The following CNTN5 variants were observed in gnomAD, a reference collection of about 807,000 sequenced individuals.
The protein encoded by CNTN5 is contactin 5, also known as contactin-5.
Under a neutral mutation model 129.1 loss-of-function variants are expected in CNTN5, and 77 were observed. That is an observed-to-expected ratio of 0.60 (90% confidence interval 0.50 to 0.72). The LOEUF (loss-of-function observed/expected upper bound fraction) is 0.72, where lower values mean the gene tolerates loss of function less well. Ranked by LOEUF, CNTN5 falls within the 30% of genes least tolerant of loss-of-function variation. CNTN5 has a pLI of 0.00. For missense variants in CNTN5, 1,478 were observed against 1,328.8 expected, an observed-to-expected ratio of 1.11 and a Z score of -1.75; for synonymous variants, 509 against 465.6, an observed-to-expected ratio of 1.09 and a Z score of -1.20.
intron 3 of CNTN5, among the ~76,000 whole-genome samples, chr11:99,687,877 T>G (rs1565427633): frequency 6.6e-6 from 1 of 152,198 alleles, no homozygotes; most frequent in African/African-American, 2.4e-5. Flanking sequence ...GGAATCAAAT[T>G]ATATTCCCAG....
intron 2 of CNTN5, among the ~76,000 whole-genome samples, chr11:99,513,189 T>C (rs76770163): frequency 0.066 from 10,014 of 152,230 alleles, 363 homozygotes; most frequent in African/African-American, 0.098. Flanking sequence ...CAAAGCCTAA[T>C]ACAGAGAAAA....
At chr11:99,244,996 A>G (rs1478031598) in intron 1 of CNTN5, among the ~76,000 whole-genome samples, 1 of 152,342 alleles carries the variant, frequency 6.6e-6, no homozygotes, top group East Asian at 1.9e-4. Flanking sequence ...TGAAACGTTC[A>G]TTGAAGTTCT....
chr11:99,800,042 T>A lies in CNTN5; in HGVS notation c.56-19502T>A, dbSNP rs566737659. Among the ~76,000 whole-genome samples, 6 of 152,176 alleles carry A rather than the reference T, an allele frequency of 3.9e-5. No homozygotes were observed. The East Asian group carries it at 7.7e-4, about 20-fold the overall frequency. ...TTCTAGTTCTTGTTATTCTAGTTCC[T>A]CTATCTGGTATGTTACATTGTTTCT... On this transcript the variant is annotated intron_variant, in intron 3 of 24. Transcript: ENST00000524871.
chr11:99,954,614 A>G (rs1950754332), intron 7 of CNTN5, among the ~76,000 whole-genome samples: 1 of 152,190 alleles, frequency 6.6e-6, no homozygotes, highest in Non-Finnish European at 1.5e-5. Context: ...AAAAATAATT[A>G]TAGATTTATA....
At position 99,687,265 on chromosome 11, in the gene CNTN5, A is replaced by G. The variant is rs75489110; in HGVS notation, c.55+130996A>G. On this transcript the variant is annotated intron_variant, in intron 3 of 24. Coordinates refer to ENST00000524871, the MANE Select transcript of CNTN5 (RefSeq NM_014361.4). ...TGCACCCAAGAACCCCTCAACCCAC[A>G]GAGACGCTTAATATTATATTAACAA... 2.6e-5 allele frequency among the ~76,000 whole-genome samples: 4 copies of G among 152,152 alleles called. No homozygotes were observed. In the East Asian group the frequency reaches 7.7e-4, roughly 29 times the overall value.
intron 13 of CNTN5, among the ~76,000 whole-genome samples, chr11:100,085,113 G>A (rs1329549004): frequency 1.3e-5 from 2 of 151,942 alleles, no homozygotes; most frequent in Non-Finnish European, 2.9e-5. Context: ...GAATGAATAG[G>A]CCCAAAGAGC....
At chr11:99,328,238 A>T (rs1383053286) in intron 2 of CNTN5, among the ~76,000 whole-genome samples, 3 of 152,202 alleles carry the variant, frequency 2.0e-5, no homozygotes, top group Non-Finnish European at 4.4e-5. Flanking sequence ...GCCAGAATTG[A>T]CAAAATAATG....
intron 8 of CNTN5, among the ~76,000 whole-genome samples, chr11:99,992,609 T>G (rs916104816): frequency 1.3e-5 from 2 of 152,244 alleles, no homozygotes; most frequent in African/African-American, 4.8e-5. Flanking sequence ...TCATCAGGCT[T>G]AGAGTTGAAC....
At position 99,368,448 on chromosome 11, in the gene CNTN5, C is replaced by T. The variant is rs529576284; in HGVS notation, c.-71+42964C>T. On this transcript the variant is annotated intron_variant, in intron 2 of 24. Coordinates refer to ENST00000524871, the MANE Select transcript of CNTN5 (RefSeq NM_014361.4). ...CTTGAGCCCGGGAGTTTGAGACCAG[C>T]CTGGACAACATAGTGCAACTCTTGT... is the stretch of plus-strand genomic sequence containing the variant. Among the ~76,000 whole-genome samples the T allele has an allele frequency of 3.3e-5, 5 of 151,056 alleles. No individual in the cohort carries two copies. The South Asian group carries it at 1.1e-3, about 32-fold the overall frequency.
At chr11:99,969,193 A>T (rs1951181675) in intron 8 of CNTN5, among the ~76,000 whole-genome samples, 1 of 152,140 alleles carries the variant, frequency 6.6e-6, no homozygotes, top group African/African-American at 2.4e-5. Flanking sequence ...TTTGTCTTGA[A>T]ACCTTGGGAG....
intron 3 of CNTN5, among the ~76,000 whole-genome samples, chr11:99,654,705 T>G (rs1952285159): frequency 6.6e-6 from 1 of 152,086 alleles, no homozygotes; most frequent in Non-Finnish European, 1.5e-5. Flanking sequence ...GTCTGAACAT[T>G]AATTGCATTT....
In CNTN5 at chr11:100,169,768, A is replaced by G. The variant is rs375601979; in HGVS notation, c.1581-21358A>G. Among the ~76,000 whole-genome samples the G allele has an allele frequency of 7.9e-5, 12 of 152,114 alleles. No individual in the cohort carries two copies. The South Asian group carries it at 1.7e-3, about 21-fold the overall frequency. ...TAAGGTGTGCTAGAACTTTTCTTCC[A>G]TAGTAGCTGAGATTTAAGTTGTCTA... On this transcript the variant is annotated intron_variant, in intron 13 of 24. Transcript: ENST00000524871.
At chr11:99,454,083 A>C (rs1428792269) in intron 2 of CNTN5, among the ~76,000 whole-genome samples, 1 of 152,202 alleles carries the variant, frequency 6.6e-6, no homozygotes, top group Non-Finnish European at 1.5e-5. Context: ...TAGATAACAA[A>C]AGAAATTGCC....
intron 7 of CNTN5, among the ~76,000 whole-genome samples, chr11:99,954,327 A>G (rs1950746517): frequency 6.7e-6 from 1 of 150,246 alleles, no homozygotes; most frequent in Non-Finnish European, 1.5e-5. Context: ...AACTTCTAAA[A>G]CATTTTAGTT....
intron 2 of CNTN5, among the ~76,000 whole-genome samples, chr11:99,449,025 C>T (rs1011127735): frequency 3.9e-5 from 6 of 151,970 alleles, no homozygotes; most frequent in South Asian, 2.1e-4. Flanking sequence ...TCAAGCGATT[C>T]GCCTGTCTTG....
In CNTN5 at chr11:99,844,933, C is replaced by G. The variant is rs200358286; in HGVS notation, c.359C>G (p.Ala120Gly). 3.1e-6 allele frequency: 5 copies of G among 1,613,552 alleles called. No homozygotes were observed. Among genetic ancestry groups the G allele is most frequent in the Non-Finnish European group, 4.2e-6 (5 of 1,179,734 alleles). The part of the protein sequence containing the change: ...FPTDSDEKKV[A>G]LNCEVRGNPV... ...ACTGATTCTGATGAAAAGAAGGTAG[C>G]ATTGAATTGTGAAGTTCGTGGCAAT... The change falls in exon 5 of 25, where the codon GCA becomes GGA. Residue 120 changes from alanine to glycine, a missense_variant. Ala to Gly is a moderately conservative substitution (Grantham distance 60). Coordinates refer to ENST00000524871, the MANE Select transcript of CNTN5 (RefSeq NM_014361.4).
At chr11:99,750,799 G>C (rs1047368396) in intron 3 of CNTN5, among the ~76,000 whole-genome samples, 2 of 152,194 alleles carry the variant, frequency 1.3e-5, no homozygotes, top group Non-Finnish European at 2.9e-5. Flanking sequence ...TAAAGCATCA[G>C]AGATAAGGTG....
chr11:99,619,393 T>C (rs184231321), intron 3 of CNTN5, among the ~76,000 whole-genome samples: 3 of 152,228 alleles, frequency 2.0e-5, no homozygotes, highest in African/African-American at 4.8e-5. Flanking sequence ...TTTTTCGTTA[T>C]GTTTCTATTG....
chr11:99,580,664 G>A (rs904969018), intron 3 of CNTN5, among the ~76,000 whole-genome samples: 31 of 152,030 alleles, frequency 2.0e-4, no homozygotes, highest in Admixed American at 4.6e-4. Flanking sequence ...GTTCTGTGGG[G>A]TCGGTGGTGA....
Sources: allele counts gnomAD v4.1 joint callset (sites outside exome capture counted in the v4.1 genomes callset), GRCh38; gene constraint gnomAD v4.1.1; transcripts MANE v1.5; gene names NCBI Gene and HGNC (gene_info 2026-07-23, HGNC 2026-07-21).